Variants in KY observed in about 807,000 individuals in gnomAD.
KY encodes the protein kyphoscoliosis peptidase.
KY carries 43 observed loss-of-function variants against 76.1 expected under a neutral mutation model. The ratio of observed to expected loss-of-function variants is 0.57; its 90% confidence interval spans 0.44 to 0.73. The LOEUF is 0.73. Among genes scored for constraint, KY ranks in the 30% least tolerant of loss-of-function variants. The pLI, the probability that KY is intolerant of heterozygous loss-of-function variation, is 0.00. For synonymous variants in KY, 277 were observed against 326.2 expected (o/e 0.85, Z 1.63); for missense variants, 722 against 828.9 (o/e 0.87, Z 1.58).
intron 3 of KY, among the ~76,000 whole-genome samples, chr3:134,636,936 T>C (rs1965057868): frequency 6.6e-6 from 1 of 152,244 alleles, no homozygotes; most frequent in Non-Finnish European, 1.5e-5. Flanking sequence ...TATTTTTTCC[T>C]CATTGATTTT....
chr3:134,608,624 A>G, intron 10 of KY, 25 bp downstream of exon 10: 6 of 1,613,952 alleles, frequency 3.7e-6, no homozygotes, highest in Non-Finnish European at 5.1e-6. Flanking sequence ...TGCTGCTAGC[A>G]CACTGGCACC....
rs1233249885 is a variant in KY at position 134,612,773 on chromosome 3, G to GTGTGTGTT, written c.711-2391_711-2390insAACACACA. Among the ~76,000 whole-genome samples, 153 of 151,170 alleles carry GTGTGTGTT rather than the reference G, an allele frequency of 1.0e-3. 1 individual carries two copies. The highest frequency in any genetic ancestry group is 9.9e-3 in the South Asian group (47 of 4,754). ...ATGCTGTGTGTGTGTGTGTGTGTGT[G>GTGTGTGTT]TGTGTGTGTGTGTGTGTGTGTGTTG... On this transcript the variant is annotated intron_variant, in intron 8 of 10. Coordinates refer to ENST00000423778, the MANE Select transcript of KY (RefSeq NM_178554.6).
intron 10 of KY, among the ~76,000 whole-genome samples, chr3:134,605,975 T>C (rs774441756): frequency 1.2e-4 from 18 of 152,220 alleles, no homozygotes; most frequent in Admixed American, 9.8e-4. Context: ...ACATGCTTTC[T>C]CTACTGCCTT....
intron 6 of KY, among the ~76,000 whole-genome samples, chr3:134,622,014 T>C (rs562634063): frequency 6.6e-6 from 1 of 152,314 alleles, no homozygotes; most frequent in East Asian, 1.9e-4. Flanking sequence ...CACAATGAGA[T>C]AGCACTTCAG....
chr3:134,610,437 A>C, intron 8 of KY, 54 bp from the exon 9 acceptor site: 7 of 1,505,546 alleles, frequency 4.6e-6, no homozygotes, highest in Non-Finnish European at 6.4e-6. Flanking sequence ...CTTGCCTCCA[A>C]GTCTGTCCAT....
Position 134,604,358 on chromosome 3 carries a change from C to A in KY, c.1207G>T (p.Glu403Ter). 2 of 1,614,044 alleles carry A rather than the reference C, an allele frequency of 1.2e-6. No homozygotes were observed. The highest frequency in any genetic ancestry group is 1.7e-6 in the Non-Finnish European group (2 of 1,179,902). ...GTGCCCATGGTTGGAGGGTACACCT[C>A]CAACTTCATCCCATTCTTCCTTAGG... The part of the protein sequence containing the change: ...LSLRKNGMKL[E>*]VYPPTMGTHK... Residue 403 changes from glutamate to a stop codon, truncating the protein, a stop_gained, in exon 11 of 11, where the codon GAG becomes TAG. Transcript: ENST00000423778. LOFTEE classifies it high-confidence loss of function.
chr3:134,608,351 C>T, intron 10 of KY: 1 of 1,321,234 alleles, frequency 7.6e-7, no homozygotes, highest in Non-Finnish European at 9.8e-7. Flanking sequence ...GCTGTGTGTT[C>T]AGCCTTCAAG....
In KY at chr3:134,610,305, C is replaced by T; in HGVS notation, c.789G>A (p.Gly263=). Residue 263 remains glycine, a synonymous_variant, in exon 9 of 11, where the codon GGG becomes GGA. Coordinates refer to ENST00000423778, the MANE Select transcript of KY (RefSeq NM_178554.6). Reference sequence around the variant, plus strand: ...CAGCATTCCAGGCATGGTCAAACTCCCCCGAGAAGCTCTGCCCTGTCTGGT... The same window carrying T: ...CAGCATTCCAGGCATGGTCAAACTCTCCCGAGAAGCTCTGCCCTGTCTGGT... The part of the protein sequence containing the change: ...FGYQTGQSFS[G]EFDHAWNAVY... 4.3e-6 allele frequency: 7 copies of T among 1,613,896 alleles called. No homozygotes were observed. The highest frequency in any genetic ancestry group is 5.9e-6 in the Non-Finnish European group (7 of 1,179,884).
chr3:134,650,782 A>C (rs1966866971), intron 1 of KY, 43 bp downstream of exon 1: 1 of 1,517,638 alleles, frequency 6.6e-7, no homozygotes, highest in South Asian at 1.3e-5. Flanking sequence ...CAAGGAGGCC[A>C]AGGTGCCGGG....
chr3:134,606,151 C>G (rs1403781057), intron 10 of KY, among the ~76,000 whole-genome samples: 5 of 152,170 alleles, frequency 3.3e-5, no homozygotes, highest in Non-Finnish European at 5.9e-5. Flanking sequence ...GGCCCCTGGT[C>G]CTGTTCCATC....
At chr3:134,640,901 G>A (rs574202950) in intron 3 of KY, among the ~76,000 whole-genome samples, 4 of 152,220 alleles carry the variant, frequency 2.6e-5, no homozygotes, top group Non-Finnish European at 4.4e-5. Context: ...TATTCTCTAC[G>A]CATTGGATGT....
chr3:134,641,911 C>T (rs1245321889), intron 3 of KY, among the ~76,000 whole-genome samples: 11 of 152,210 alleles, frequency 7.2e-5, no homozygotes, highest in Admixed American at 3.3e-4. Flanking sequence ...AATCCACTCT[C>T]ATTATAGCCA....
chr3:134,610,369 T>C lies in KY; in HGVS notation c.725A>G (p.Gln242Arg), dbSNP rs1021640709. 9.9e-6 allele frequency: 16 copies of C among 1,611,204 alleles called. No homozygotes were observed. The highest frequency in any genetic ancestry group is 1.2e-5 in the Non-Finnish European group (14 of 1,178,736). ...GGAGTAGCCAGGCACGGTCATACAC[T>C]GCACTCCGGCGAGCCTGGGGGCAGG... ...FERMCRLAGVQCMTVPGYSKG... is the reference protein window; with the variant it reads ...FERMCRLAGVRCMTVPGYSKG... The change falls in exon 9 of 11, where the codon CAG becomes CGG. Residue 242 changes from glutamine to arginine, a missense_variant. Gln to Arg is a conservative substitution (Grantham distance 43, BLOSUM62 1). Around this residue, in one of 2 missense-constraint regions of KY, gnomAD observed 552 missense variants for 680.9 expected, o/e 0.81. Transcript: ENST00000423778.
chr3:134,607,431 C>T, intron 10 of KY: 2 of 985,620 alleles, frequency 2.0e-6, no homozygotes, highest in Non-Finnish European at 2.4e-6. Flanking sequence ...CCACAGGCAC[C>T]CTGTGCTAAT....
chr3:134,650,746 G>A, intron 1 of KY, 79 bp downstream of exon 1: 1 of 1,318,342 alleles, frequency 7.6e-7, no homozygotes, highest in East Asian at 2.7e-5. Context: ...AGCAATGGGC[G>A]CCCCCCGGCG....
chr3:134,649,757 TG>T (rs1279613508), intron 1 of KY, among the ~76,000 whole-genome samples: 2 of 152,216 alleles, frequency 1.3e-5, no homozygotes, highest in Admixed American at 6.5e-5. Flanking sequence ...CCTATGTGGC[TG>T]GTAGTGGCAA....
chr3:134,622,924 AC>A (rs1962886640), intron 6 of KY, among the ~76,000 whole-genome samples: 1 of 152,074 alleles, frequency 6.6e-6, no homozygotes, highest in East Asian at 1.9e-4. Flanking sequence ...TCACCTGCTG[AC>A]CACTGGCCCA....
intron 1 of KY, 87 bp downstream of exon 1, chr3:134,650,738 C>T (rs1966864861): frequency 1.6e-6 from 2 of 1,264,304 alleles, no homozygotes; most frequent in Non-Finnish European, 2.1e-6. Flanking sequence ...TTCGGGGGAG[C>T]AATGGGCGCC....
chr3:134,638,514 G>C (rs1965285599), intron 3 of KY, among the ~76,000 whole-genome samples: 1 of 152,128 alleles, frequency 6.6e-6, no homozygotes, highest in African/African-American at 2.4e-5. Flanking sequence ...AGCTCCACCA[G>C]TTGTCAACAA....
Sources: gnomAD v4.1 joint callset for allele counts (sites outside exome capture counted in the v4.1 genomes callset) on GRCh38, gnomAD v4.1.1 for gene constraint, gnomAD v4.1.1 regional missense constraint, MANE v1.5 for transcripts, NCBI Gene and HGNC (gene_info 2026-07-23, HGNC 2026-07-21) for gene names.